CD226: variants seen among roughly 807,000 people sequenced by gnomAD.
The protein encoded by CD226 is CD226 molecule.
In CD226, 24 loss-of-function variants were observed where a neutral mutation model predicts 34.9. The observed-to-expected ratio is 0.69, with a 90% confidence interval of 0.50 to 0.97. The LOEUF is 0.97. CD226 is among the 50% of genes least tolerant of loss of function. The pLI is 0.00. For synonymous variants in CD226, 148 were observed against 147.4 expected (o/e 1.00, Z -0.03); for missense variants, 397 against 412.7 (o/e 0.96, Z 0.33).
intron 4 of CD226, among the ~76,000 whole-genome samples, chr18:69,871,920 T>A (rs1326268644): frequency 6.6e-6 from 1 of 151,974 alleles, no homozygotes; most frequent in Non-Finnish European, 1.5e-5. Context: ...ACTGGATGGG[T>A]TAGAGAAAGA....
At chr18:69,942,433 T>C (rs1170046055) in intron 2 of CD226, among the ~76,000 whole-genome samples, 2 of 152,184 alleles carry the variant, frequency 1.3e-5, no homozygotes, top group African/African-American at 4.8e-5. Flanking sequence ...GAAAGAAAAA[T>C]CTGGTTTTAT....
chr18:69,960,002 T>C (rs149798582), upstream of CD226, among the ~76,000 whole-genome samples: 443 of 152,184 alleles, frequency 2.9e-3, 4 homozygotes, highest in Middle Eastern at 0.01. Flanking sequence ...ATCCCAGCAC[T>C]TTGGGAGGCC....
At chr18:69,932,651 G>C (rs976153704) in intron 2 of CD226, among the ~76,000 whole-genome samples, 1 of 152,140 alleles carries the variant, frequency 6.6e-6, no homozygotes, top group Admixed American at 6.5e-5. Context: ...CCTCCAGCAG[G>C]AATGCCATCC....
intron 5 of CD226, among the ~76,000 whole-genome samples, chr18:69,866,873 G>A (rs935847381): frequency 3.3e-5 from 5 of 152,174 alleles, no homozygotes; most frequent in African/African-American, 1.2e-4. Context: ...GAGAGGGGCA[G>A]AGATTGGAGC....
At chr18:69,885,503 T>C (rs1984505715) in intron 3 of CD226, among the ~76,000 whole-genome samples, 6 of 152,144 alleles carry the variant, frequency 3.9e-5, no homozygotes, top group Admixed American at 3.9e-4. Flanking sequence ...TTGGGAACTT[T>C]TAGCAGATTC....
At chr18:69,875,459 C>A (rs993590269) in intron 3 of CD226, among the ~76,000 whole-genome samples, 3 of 152,186 alleles carry the variant, frequency 2.0e-5, no homozygotes, top group African/African-American at 7.2e-5. Context: ...TCTTGAGGAA[C>A]CTACTACCTG....
At chr18:69,913,574 T>A (rs1480045853) in intron 2 of CD226, among the ~76,000 whole-genome samples, 1 of 152,248 alleles carries the variant, frequency 6.6e-6, no homozygotes, top group Non-Finnish European at 1.5e-5. Flanking sequence ...ATAGATCATC[T>A]TAGAGCAAAC....
At chr18:69,873,307 G>A in intron 3 of CD226, 61 bp from the exon 4 acceptor site, 3 of 811,670 alleles carry the variant, frequency 3.7e-6, no homozygotes, top group South Asian at 1.6e-5. Context: ...TAAAAAGTAA[G>A]GCAGGAAAAT....
At chr18:69,865,977 G>A (rs1165657307) in intron 5 of CD226, among the ~76,000 whole-genome samples, 1 of 151,914 alleles carries the variant, frequency 6.6e-6, no homozygotes, top group Non-Finnish European at 1.5e-5. Context: ...AGTTCTGGAG[G>A]CTGGGAAGTC....
At chr18:69,954,725 A>G (rs1279265740) in intron 1 of CD226, among the ~76,000 whole-genome samples, 1 of 151,974 alleles carries the variant, frequency 6.6e-6, no homozygotes, top group Admixed American at 6.5e-5. Context: ...GATGAAGAGA[A>G]CTTGTGTATT....
intron 1 of CD226, among the ~76,000 whole-genome samples, chr18:69,953,193 G>C (rs1393353439): frequency 6.6e-6 from 1 of 152,196 alleles, no homozygotes; most frequent in South Asian, 2.1e-4. Context: ...CAGGATTACT[G>C]TATGACCCAG....
chr18:69,880,001 G>A (rs556244710), intron 3 of CD226, among the ~76,000 whole-genome samples: 3 of 152,276 alleles, frequency 2.0e-5, no homozygotes, highest in East Asian at 1.9e-4. Flanking sequence ...TCACCATATC[G>A]ATCTGTGAAT....
intron 2 of CD226, among the ~76,000 whole-genome samples, chr18:69,920,715 T>A (rs1311429861): frequency 6.6e-6 from 1 of 152,248 alleles, no homozygotes; most frequent in Non-Finnish European, 1.5e-5. Context: ...AATCTCACCT[T>A]TCATTTGAGG....
At chr18:69,926,593 T>C (rs546960748) in intron 2 of CD226, among the ~76,000 whole-genome samples, 20 of 152,296 alleles carry the variant, frequency 1.3e-4, no homozygotes, top group African/African-American at 4.8e-4. Flanking sequence ...CAGCTAAATA[T>C]GTGTTAGTTG....
At chr18:69,915,976 T>C (rs1056227107) in intron 2 of CD226, among the ~76,000 whole-genome samples, 2 of 152,232 alleles carry the variant, frequency 1.3e-5, no homozygotes, top group Non-Finnish European at 2.9e-5. Context: ...GTGAGGTTTA[T>C]TGCAGTTGTG....
chr18:69,932,742 C>A (rs2055604318), intron 2 of CD226, among the ~76,000 whole-genome samples: 1 of 152,142 alleles, frequency 6.6e-6, no homozygotes, highest in Admixed American at 6.5e-5. Context: ...CTCTGAAGTT[C>A]CTTGAATGAC....
chr18:69,951,931 C>T (rs1313518023), upstream of CD226, among the ~76,000 whole-genome samples: 1 of 152,088 alleles, frequency 6.6e-6, no homozygotes, highest in Non-Finnish European at 1.5e-5. Context: ...AGGGTATCTA[C>T]CCAAAGGAAA....
At chr18:69,877,908 TG>T (rs1465142707) in intron 3 of CD226, among the ~76,000 whole-genome samples, 2 of 152,128 alleles carry the variant, frequency 1.3e-5, no homozygotes, top group Non-Finnish European at 2.9e-5. Context: ...CAATCTAGAG[TG>T]GCCCAGCCTG....
intron 3 of CD226, among the ~76,000 whole-genome samples, chr18:69,875,830 T>C (rs1983830726): frequency 6.6e-6 from 1 of 152,246 alleles, no homozygotes; most frequent in African/African-American, 2.4e-5. Flanking sequence ...AAATACTGTA[T>C]AATCTCACCT....
Sources: gnomAD v4.1 joint callset for allele counts (sites outside exome capture counted in the v4.1 genomes callset) on GRCh38, gnomAD v4.1.1 for gene constraint, MANE v1.5 for transcripts, NCBI Gene and HGNC (gene_info 2026-07-23, HGNC 2026-07-21) for gene names.